The following GAB2 variants were observed in gnomAD, a reference collection of about 807,000 sequenced individuals.
GAB2 encodes GRB2-associated-binding protein 2.
In GAB2, 26 loss-of-function variants were observed where a neutral mutation model predicts 65.5. The ratio of observed to expected loss-of-function variants is 0.40; its 90% CI spans 0.29 to 0.55. The LOEUF (loss-of-function observed/expected upper bound fraction) is 0.55, where lower values mean the gene tolerates loss of function less well. Ranked by LOEUF, GAB2 falls within the 20% of genes least tolerant of loss-of-function variation. The pLI, the probability that GAB2 is intolerant of heterozygous loss-of-function variation, is 0.53. For synonymous variants in GAB2, 321 were observed against 329.6 expected (o/e 0.97, Z 0.28); for missense variants, 884 against 875.8 (o/e 1.01, Z -0.12).
At chr11:78,284,145 T>C (rs7116698) in intron 1 of GAB2, among the ~76,000 whole-genome samples, 29,671 of 151,966 alleles carry the variant, frequency 0.2, 3,125 homozygotes, top group East Asian at 0.4. Context: ...AATCTATGTA[T>C]CATAGCTGAC....
intron 1 of GAB2, among the ~76,000 whole-genome samples, chr11:78,384,626 C>A (rs1356513073): frequency 1.3e-5 from 2 of 152,190 alleles, no homozygotes; most frequent in Non-Finnish European, 2.9e-5. Flanking sequence ...GAGGTCACAG[C>A]CCATGAGCTG....
At chr11:78,233,020 C>A (rs1703421983) in intron 3 of GAB2, among the ~76,000 whole-genome samples, 1 of 150,508 alleles carries the variant, frequency 6.6e-6, no homozygotes, top group South Asian at 2.1e-4. Context: ...CATATACTTA[C>A]CAATACCTGG....
In GAB2 at chr11:78,368,619, A is replaced by G. The variant is rs181388801; in HGVS notation, c.75+49027T>C. Among the ~76,000 whole-genome samples the G allele has an allele frequency of 2.2e-3, 331 of 152,334 alleles. 1 individual carries two copies. Among genetic ancestry groups the G allele is most frequent in the African/African-American group, 7.0e-3 (291 of 41,574 alleles). ...TTCACTAAATACTAGTGCATACCAA[A>G]TGAGAAAAGGAACAATTAACCCTAA... On this transcript the variant is annotated intron_variant, in intron 1 of 9. Transcript: ENST00000361507.
intron 3 of GAB2, among the ~76,000 whole-genome samples, chr11:78,235,919 G>GC (rs1444027710): frequency 6.6e-6 from 1 of 152,030 alleles, no homozygotes; most frequent in African/African-American, 2.4e-5. Flanking sequence ...TTTCAGCAAC[G>GC]CCCCACTCTA....
chr11:78,283,563 G>A (rs1866387803), intron 1 of GAB2, among the ~76,000 whole-genome samples: 2 of 151,598 alleles, frequency 1.3e-5, no homozygotes, highest in South Asian at 2.1e-4. Context: ...CCTCCTATTC[G>A]AAGGCACTAT....
At chr11:78,252,361 G>A (rs1865478931) in intron 2 of GAB2, among the ~76,000 whole-genome samples, 1 of 152,160 alleles carries the variant, frequency 6.6e-6, no homozygotes, top group Admixed American at 6.5e-5. Context: ...TAACAGAATC[G>A]ATAGCTCATT....
At chr11:78,277,511 T>C (rs1866207115) in intron 2 of GAB2, among the ~76,000 whole-genome samples, 1 of 152,238 alleles carries the variant, frequency 6.6e-6, no homozygotes, top group African/African-American at 2.4e-5. Flanking sequence ...AGCAGCTTTC[T>C]GATACCATCT....
intron 7 of GAB2, 112 bp downstream of exon 7, chr11:78,221,993 G>A: frequency 1.3e-6 from 1 of 773,418 alleles, no homozygotes; most frequent in South Asian, 1.5e-5. Flanking sequence ...ATCAGCTAAT[G>A]ATAGCGTTAG....
Position 78,322,166 on chromosome 11 carries a change from G to A in GAB2, c.76-41265C>T, listed in dbSNP as rs527312896. 1.2e-4 allele frequency among the ~76,000 whole-genome samples: 18 copies of A among 151,246 alleles called. No homozygotes were observed. In the South Asian group the frequency reaches 1.9e-3, roughly 16 times the overall value. ...ATAAAAATATAAAAATTAGCCGGGC[G>A]TGGTGGTACGTGCCTGTAATCCCAG... On this transcript the variant is annotated intron_variant, in intron 1 of 9. Transcript: ENST00000361507.
intron 3 of GAB2, among the ~76,000 whole-genome samples, chr11:78,243,332 G>A (rs1267063780): frequency 1.3e-5 from 2 of 152,098 alleles, no homozygotes; most frequent in African/African-American, 2.4e-5. Context: ...GCCAGGAGTG[G>A]TGGTGGGCGC....
chr11:78,310,883 TAAG>T (rs1855485647), intron 1 of GAB2, among the ~76,000 whole-genome samples: 1 of 152,176 alleles, frequency 6.6e-6, no homozygotes, highest in South Asian at 2.1e-4. Flanking sequence ...TCTAAAAAAA[TAAG>T]AAGACCCATT....
chr11:78,389,684 T>C (rs1856809765), intron 1 of GAB2, among the ~76,000 whole-genome samples: 1 of 152,160 alleles, frequency 6.6e-6, no homozygotes, highest in African/African-American at 2.4e-5. Context: ...CTGAAAACAC[T>C]GAATATGTAC....
At chr11:78,284,142 G>A (rs7127187) in intron 1 of GAB2, among the ~76,000 whole-genome samples, 30,888 of 151,928 alleles carry the variant, frequency 0.2, 3,381 homozygotes, top group East Asian at 0.4. Context: ...AAAAATCTAT[G>A]TATCATAGCT....
intron 3 of GAB2, among the ~76,000 whole-genome samples, chr11:78,237,272 A>G (rs1470761978): frequency 6.6e-6 from 1 of 152,254 alleles, no homozygotes; most frequent in East Asian, 1.9e-4. Flanking sequence ...TAACAGCCAA[A>G]ACTGGAAACA....
intron 1 of GAB2, among the ~76,000 whole-genome samples, chr11:78,347,252 C>T (rs1856206790): frequency 6.6e-6 from 1 of 152,142 alleles, no homozygotes; most frequent in African/African-American, 2.4e-5. Context: ...TTCCAACATG[C>T]TTGCTGTGGC....
intron 1 of GAB2, among the ~76,000 whole-genome samples, chr11:78,307,200 T>C (rs1054579966): frequency 6.6e-6 from 1 of 152,186 alleles, no homozygotes; most frequent in Non-Finnish European, 1.5e-5. Context: ...ACAGTGCTTA[T>C]GAACACTACA....
chr11:78,252,681 C>G (rs1386513739), intron 2 of GAB2, among the ~76,000 whole-genome samples: 1 of 152,182 alleles, frequency 6.6e-6, no homozygotes, highest in African/African-American at 2.4e-5. Context: ...TCAGTTACCA[C>G]CTATGTGCTG....
intron 2 of GAB2, among the ~76,000 whole-genome samples, chr11:78,280,291 T>C (rs1280593538): frequency 1.3e-5 from 2 of 151,936 alleles, no homozygotes; most frequent in African/African-American, 4.8e-5. Context: ...GGACACAGAG[T>C]GCTGGACAGC....
At chr11:78,225,241 A>G (rs762896727) in intron 4 of GAB2, 39 bp from the exon 5 acceptor site, 28 of 1,378,958 alleles carry the variant, frequency 2.0e-5, no homozygotes, top group Non-Finnish European at 2.9e-5. Context: ...CTCATGGTTG[A>G]TTCATGTGTT....
Sources: allele counts gnomAD v4.1 joint callset (sites outside exome capture counted in the v4.1 genomes callset), GRCh38; gene constraint gnomAD v4.1.1; transcripts MANE v1.5; gene names NCBI Gene and HGNC (gene_info 2026-07-23, HGNC 2026-07-21).